TNRC18: variants seen among roughly 807,000 people sequenced by gnomAD.
The protein encoded by TNRC18 is trinucleotide repeat containing 18.
Under a neutral mutation model 226.7 loss-of-function variants are expected in TNRC18, and 69 were observed. The ratio of observed to expected loss-of-function variants is 0.30; its 90% confidence interval spans 0.25 to 0.37. TNRC18 has a LOEUF of 0.37. Ranked by LOEUF, TNRC18 falls within the 10% of genes least tolerant of loss-of-function variation. TNRC18 has a pLI of 1.00. For missense variants in TNRC18, 4,754 were observed against 4,256.6 expected (o/e 1.12, Z -3.25); for synonymous variants, 2,449 against 1,927.6 (o/e 1.27, Z -7.09).
intron 2 of TNRC18, among the ~76,000 whole-genome samples, chr7:5,414,708 G>A (rs759774157): frequency 1.3e-4 from 20 of 152,142 alleles, no homozygotes; most frequent in Non-Finnish European, 2.4e-4. Flanking sequence ...CACTGCGCCC[G>A]GCCCACATTT....
At chr7:5,308,837 T>TGCCCCC in intron 29 of TNRC18, 38 bp downstream of exon 29, 1 of 834,156 alleles carries the variant, frequency 1.2e-6, no homozygotes, top group East Asian at 2.9e-5. Context: ...GAAGCAGCCA[T>TGCCCCC]CCCCAACCCG....
chr7:5,322,097 G>C (rs1228347975), intron 21 of TNRC18, among the ~76,000 whole-genome samples: 1 of 151,990 alleles, frequency 6.6e-6, no homozygotes, highest in Non-Finnish European at 1.5e-5. Flanking sequence ...AGCTAACATG[G>C]TGAAACCCTG....
chr7:5,366,318 C>CTTTTTTTTTTTTTTTTTTTT (rs202053648), intron 11 of TNRC18, among the ~76,000 whole-genome samples: 4 of 70,464 alleles, frequency 5.7e-5, no homozygotes, highest in African/African-American at 1.9e-4. Context: ...CTTCTTATAT[C>CTTTTTTTTTTTTTTTTTTTT]TTTTTTTTTT....
intron 2 of TNRC18, chr7:5,420,794 GC>G (rs1203234171): frequency 4.5e-6 from 3 of 667,432 alleles, no homozygotes; most frequent in East Asian, 2.9e-5. Context: ...GATTGGAATC[GC>G]CCCCGGTGGC....
rs1046744872 is a variant in TNRC18, at chr7:5,357,149, C to T, written c.4961G>A (p.Gly1654Glu). Residue 1654 changes from glycine (G) to glutamate (E), a missense_variant, in exon 16 of 30, where the codon GGG becomes GAG. Physicochemically the swap from Gly to Glu is moderately conservative, Grantham distance 98. Coordinates refer to ENST00000430969, the MANE Select transcript of TNRC18 (RefSeq NM_001080495.3). ...GCAGCCCCCGCTAGTTTTCGATTTC[C>T]CCCCAGCACTGTCCGAAAACTTGAA... is the stretch of plus-strand genomic sequence containing the variant. The part of the protein sequence containing the change: ...SPFKFSDSAG[G>E]KSKTSGGCGR... The T allele has an allele frequency of 6.3e-7, 1 of 1,578,238 alleles. No homozygotes were observed. The highest frequency in any genetic ancestry group is 1.2e-5 in the South Asian group (1 of 86,326).
At chr7:5,341,899 T>C (rs1482603523) in intron 18 of TNRC18, among the ~76,000 whole-genome samples, 3 of 152,170 alleles carry the variant, frequency 2.0e-5, no homozygotes, top group African/African-American at 7.2e-5. Context: ...AAAATACTAC[T>C]GCTCATTGAC....
intron 2 of TNRC18, among the ~76,000 whole-genome samples, chr7:5,415,885 T>C (rs1487097734): frequency 6.8e-6 from 1 of 146,930 alleles, no homozygotes; most frequent in African/African-American, 2.5e-5. Context: ...GGTGGGTGGA[T>C]CACCTGAGGC....
rs1782582072 is a variant in TNRC18, at chr7:5,421,448, C to T, written c.-202G>A. The T allele has an allele frequency of 4.9e-6, 1 of 204,618 alleles. No individual in the cohort carries two copies. The highest frequency in any genetic ancestry group is 8.5e-6 in the Non-Finnish European group (1 of 117,358). The allele number at this position is 204,618 out of a possible 1,614,324, so 12.7% of individuals were successfully genotyped here. On this transcript the variant is annotated 5_prime_UTR_variant, in exon 2 of 30. Coordinates refer to ENST00000430969, the MANE Select transcript of TNRC18 (RefSeq NM_001080495.3). ...CAGGCGGCCGGCGGTGGGGCCCCTC[C>T]GGGCGGCCAGGCGGAGCTGCGCGAG... is the stretch of plus-strand genomic sequence containing the variant.
chr7:5,378,431 T>G (rs1052867981), intron 5 of TNRC18, among the ~76,000 whole-genome samples: 36 of 151,706 alleles, frequency 2.4e-4, no homozygotes, highest in African/African-American at 7.7e-4. Flanking sequence ...TTTATTTTTT[T>G]TTTTTGAGAT....
At chr7:5,308,474 A>G (rs1786817147) in intron 29 of TNRC18, among the ~76,000 whole-genome samples, 162 bp from the exon 30 acceptor site, 1 of 151,780 alleles carries the variant, frequency 6.6e-6, no homozygotes, top group Non-Finnish European at 1.5e-5. Context: ...CCAACAAAAG[A>G]GAGACAGAGA....
At chr7:5,378,099 C>A (rs1779134044) in intron 5 of TNRC18, 75 bp from the exon 6 acceptor site, 7 of 1,274,346 alleles carry the variant, frequency 5.5e-6, no homozygotes, top group Non-Finnish European at 7.8e-6. Flanking sequence ...CCACTGCCCT[C>A]ACCCCTCCCT....
chr7:5,376,712 T>C (rs1311028796), intron 8 of TNRC18, 135 bp downstream of exon 8: 3 of 1,073,624 alleles, frequency 2.8e-6, no homozygotes, highest in Non-Finnish European at 2.7e-6. Flanking sequence ...AGATGTTCTC[T>C]CTGAACCCCG....
chr7:5,407,114 G>C (rs1002140583), intron 2 of TNRC18: 2 of 152,308 alleles, frequency 1.3e-5, no homozygotes, highest in Admixed American at 6.5e-5. Context: ...TCCGGTGATA[G>C]AGCTCGAGGC....
At chr7:5,321,211 G>C (rs1164631738) in intron 21 of TNRC18, 21 bp from the exon 22 acceptor site, 20 of 1,517,062 alleles carry the variant, frequency 1.3e-5, no homozygotes, top group Non-Finnish European at 1.8e-5. Flanking sequence ...TGGATCGTGA[G>C]GCGAGGCTGG....
chr7:5,309,367 C>T lies in TNRC18; in HGVS notation c.8390G>A (p.Arg2797Gln). ...LWKWFGKPTQ[R>Q]RGMKGKARKL... ...GCGGGCCTTGCCCTTCATGCCACGCCGCTGCAAGGACACGTGTGTCACGGC... is the reference window on the plus strand; with the variant it reads ...GCGGGCCTTGCCCTTCATGCCACGCTGCTGCAAGGACACGTGTGTCACGGC... The change falls in exon 28 of 30, where the codon CGG becomes CAG. Residue 2797 changes from arginine to glutamine, a missense_variant and splice_region_variant. Physicochemically the swap from Arg to Gln is conservative, Grantham distance 43. Transcript: ENST00000430969. This position sits in a 1 kb window ranked among gnomAD's most constrained non-coding sequence, Gnocchi z 5.7. 1.2e-6 allele frequency: 2 copies of T among 1,608,828 alleles called. No individual in the cohort carries two copies. Among genetic ancestry groups the T allele is most frequent in the Non-Finnish European group, 1.7e-6 (2 of 1,177,540 alleles).
intron 18 of TNRC18, among the ~76,000 whole-genome samples, chr7:5,340,589 A>G (rs2128134962): frequency 6.6e-6 from 1 of 152,114 alleles, no homozygotes; most frequent in African/African-American, 2.4e-5. Context: ...AAAAAAACAC[A>G]AAAATTAGCC....
rs547210118 is a variant in TNRC18 at position 5,325,757 on chromosome 7, G to T, written c.6148-509C>A. ...TTTTTTTTTTTTTTTTTTTTTTAGA[G>T]ACAAGGTCTCGCTCTGTTGCCCAGG... is the stretch of plus-strand genomic sequence containing the variant. On this transcript the variant is annotated intron_variant, in intron 19 of 29. Transcript: ENST00000430969. Among the ~76,000 whole-genome samples, 22 of 93,750 alleles carry T rather than the reference G, an allele frequency of 2.3e-4. No individual in the cohort carries two copies. In the South Asian group the frequency reaches 3.2e-3, roughly 14 times the overall value. The allele number at this position is 93,750 out of a possible 152,430, so 61.5% of individuals were successfully genotyped here.
At chr7:5,419,171 C>T (rs1782379932) in intron 2 of TNRC18, among the ~76,000 whole-genome samples, 1 of 152,268 alleles carries the variant, frequency 6.6e-6, no homozygotes, top group African/African-American at 2.4e-5. Context: ...GCCTCACCAT[C>T]CAGCAAATGG....
chr7:5,377,586 G>T lies in TNRC18; in HGVS notation c.2256-10C>A. 6.4e-7 allele frequency: 1 copy of T among 1,569,082 alleles called. No individual in the cohort carries two copies. Among genetic ancestry groups the T allele is most frequent in the Non-Finnish European group, 8.6e-7 (1 of 1,156,824 alleles). On this transcript the variant is annotated splice_polypyrimidine_tract_variant and intron_variant, in intron 6 of 29. Coordinates refer to ENST00000430969, the MANE Select transcript of TNRC18 (RefSeq NM_001080495.3). This position sits in a 1 kb window ranked among gnomAD's most constrained non-coding sequence, Gnocchi z 5.8. ...CAGCTCCTTACTCTCTCTGGAAGGA[G>T]GATCATAGGTGTCAGCGACAGCTCG...
Sources: allele counts gnomAD v4.1 joint callset (sites outside exome capture counted in the v4.1 genomes callset), GRCh38; gene constraint gnomAD v4.1.1; non-coding constraint Gnocchi (gnomAD v3.1); transcripts MANE v1.5; gene names NCBI Gene and HGNC (gene_info 2026-07-23, HGNC 2026-07-21).